The following COL14A1 variants were observed in gnomAD, a reference collection of about 807,000 sequenced individuals.
COL14A1 encodes collagen type XIV alpha 1 chain, also known as collagen alpha-1(XIV) chain.
Under a neutral mutation model 230.3 loss-of-function variants are expected in COL14A1, and 136 were observed. The ratio of observed to expected loss-of-function variants is 0.59; its 90% confidence interval spans 0.51 to 0.68. The LOEUF (loss-of-function observed/expected upper bound fraction) is 0.68. COL14A1 is among the 30% of genes least tolerant of loss of function. The probability of loss-of-function intolerance (pLI) is 0.00; values close to 1 mark genes in which losing one functional copy is unlikely to be tolerated. For synonymous variants in COL14A1, 792 were observed against 784.1 expected (o/e 1.01, Z -0.17); for missense variants, 1,976 against 2,215.8 (o/e 0.89, Z 2.17).
chr8:120,359,460 A>T (rs980814457), intron 45 of COL14A1, among the ~76,000 whole-genome samples: 1 of 152,186 alleles, frequency 6.6e-6, no homozygotes, highest in Non-Finnish European at 1.5e-5. Context: ...ATCATTTTCC[A>T]GTTCTGCAAG....
In COL14A1 at chr8:120,371,024, G is replaced by T. The variant is rs375528576; in HGVS notation, c.5312-128G>T. ...ATGGGGAAGGTACAAGGGGCGTGGT[G>T]GATTAAGACATCCACTGCTTTTTAC... is the stretch of plus-strand genomic sequence containing the variant. On this transcript the variant is annotated intron_variant, in intron 47 of 47. Transcript: ENST00000297848. 5.8e-6 allele frequency: 6 copies of T among 1,035,414 alleles called. No homozygotes were observed. In the East Asian group the frequency reaches 9.8e-5, roughly 17 times the overall value. 64.1% of individuals were successfully genotyped at this position (1,035,414 alleles called of 1,614,324 possible). A position where few individuals can be genotyped will look rare whatever the true frequency, so the allele number is the denominator to read the frequency against.
chr8:120,148,015 AAT>A (rs1372402363), intron 2 of COL14A1, 85 bp downstream of exon 2: 1 of 1,000,398 alleles, frequency 1.0e-6, no homozygotes, highest in African/African-American at 1.6e-5. Context: ...TTATCCTAAC[AAT>A]ATGTCGGCTT....
At chr8:120,202,566 C>T (rs1438723537) in intron 8 of COL14A1, among the ~76,000 whole-genome samples, 1 of 152,096 alleles carries the variant, frequency 6.6e-6, no homozygotes, top group African/African-American at 2.4e-5. Context: ...TAACCTCATG[C>T]CTCTCCTTTC....
chr8:120,259,137 A>G (rs900504575), intron 23 of COL14A1, among the ~76,000 whole-genome samples: 2 of 152,310 alleles, frequency 1.3e-5, no homozygotes, highest in South Asian at 2.1e-4. Context: ...AAAGCATCAT[A>G]TGGAACAAAA....
At chr8:120,162,331 C>G (rs1389050467) in intron 3 of COL14A1, 95 bp from the exon 4 acceptor site, 2 of 989,304 alleles carry the variant, frequency 2.0e-6, no homozygotes, top group Non-Finnish European at 2.9e-6. Flanking sequence ...AATGCCTTTA[C>G]TGTTTAACAC....
At chr8:120,338,660 A>T (rs898592814) in intron 42 of COL14A1, among the ~76,000 whole-genome samples, 1 of 152,234 alleles carries the variant, frequency 6.6e-6, no homozygotes, top group African/African-American at 2.4e-5. Flanking sequence ...CAGAGCTGTT[A>T]TAAGGTTTAG....
chr8:120,345,481 T>TGGAGCCCCTGGTGAACAA lies in COL14A1; in HGVS notation c.4999_5016dup (p.Ala1667_Gly1672dup). 1 of 1,604,620 alleles carries TGGAGCCCCTGGTGAACAA rather than the reference T, an allele frequency of 6.2e-7. No individual in the cohort carries two copies. On this transcript the variant is annotated inframe_insertion, in exon 45 of 48. Transcript: ENST00000297848. Reference sequence around the variant, plus strand: ...GGGAGCCTGGGAGGCCAGGCTCACCTGGAGCCCCTGGTGAACAAGGACCCC... The same window carrying TGGAGCCCCTGGTGAACAA: ...GGGAGCCTGGGAGGCCAGGCTCACCTGGAGCCCCTGGTGAACAAGGAGCCCCTGGTGAACAAGGACCCC...
chr8:120,297,097 G>A (rs1237252800), intron 34 of COL14A1, among the ~76,000 whole-genome samples: 1 of 151,872 alleles, frequency 6.6e-6, no homozygotes, highest in Admixed American at 6.6e-5. Flanking sequence ...TATTATGATA[G>A]GTGACCTAAA....
intron 45 of COL14A1, among the ~76,000 whole-genome samples, chr8:120,358,372 C>A (rs1236251114): frequency 6.6e-6 from 1 of 151,942 alleles, no homozygotes; most frequent in Admixed American, 6.6e-5. Context: ...TTCTTTTATT[C>A]CTCATAATAC....
At position 120,174,603 on chromosome 8, in the gene COL14A1, G is replaced by A. The variant is rs559711369; in HGVS notation, c.436+6356G>A. ...ATATGTTTGAACATATGTTTACGGA[G>A]GAGTTCTTTCTGAGCCCACTTTCAG... is the stretch of plus-strand genomic sequence containing the variant. On this transcript the variant is annotated intron_variant, in intron 5 of 47. Coordinates refer to ENST00000297848, the MANE Select transcript of COL14A1 (RefSeq NM_021110.4). 1.8e-4 allele frequency among the ~76,000 whole-genome samples: 27 copies of A among 152,250 alleles called. 1 individual carries two copies. In the South Asian group the frequency reaches 4.6e-3, roughly 26 times the overall value.
At chr8:120,232,866 A>G (rs1396744520) in intron 19 of COL14A1, among the ~76,000 whole-genome samples, 4 of 152,140 alleles carry the variant, frequency 2.6e-5, no homozygotes, top group Non-Finnish European at 4.4e-5. Flanking sequence ...GGTTGAGCTA[A>G]TTTACAGTCT....
intron 40 of COL14A1, among the ~76,000 whole-genome samples, chr8:120,330,318 C>A (rs1346941877): frequency 6.6e-6 from 1 of 152,098 alleles, no homozygotes; most frequent in Non-Finnish European, 1.5e-5. Flanking sequence ...CTCGTCCTAC[C>A]CCTGTGTATT....
In COL14A1 at chr8:120,255,150, A is replaced by G. The variant is rs185896570; in HGVS notation, c.2753-90A>G. ...CCCAGCTCTGACTATGCAGCTTTGA[A>G]TGAAAATTTTTCCAGAAGTTAATTT... On this transcript the variant is annotated intron_variant, in intron 22 of 47. Transcript: ENST00000297848. 6.3e-4 allele frequency: 602 copies of G among 955,920 alleles called. 3 individuals are homozygous for G. In the African/African-American group the frequency reaches 8.0e-3, roughly 13 times the overall value. The allele number at this position is 955,920 out of a possible 1,614,324, so 59.2% of individuals were successfully genotyped here.
Position 120,372,528 on chromosome 8 carries a change from A to C in COL14A1, c.*1297A>C, listed in dbSNP as rs1176928502. Among the ~76,000 whole-genome samples, 2 of 152,164 alleles carry C rather than the reference A, an allele frequency of 1.3e-5. No homozygotes were observed. Among genetic ancestry groups the C allele is most frequent in the Non-Finnish European group, 2.9e-5 (2 of 68,030 alleles). ...GAAATAGAAACAAAAGAGAACCATA[A>C]ATTTAATACGTGCTCCTTCTCTGTA... On this transcript the variant is annotated 3_prime_UTR_variant, in exon 48 of 48. Coordinates refer to ENST00000297848, the MANE Select transcript of COL14A1 (RefSeq NM_021110.4).
intron 11 of COL14A1, 110 bp from the exon 12 acceptor site, chr8:120,209,646 T>A (rs1817559286): frequency 9.2e-7 from 1 of 1,088,570 alleles, no homozygotes; most frequent in African/African-American, 1.6e-5. Context: ...TTATTCTTAA[T>A]CCCTTTCTCC....
intron 19 of COL14A1, among the ~76,000 whole-genome samples, chr8:120,242,858 T>C (rs899023550): frequency 1.3e-5 from 2 of 152,248 alleles, no homozygotes; most frequent in African/African-American, 4.8e-5. Flanking sequence ...CTCGAGGCTT[T>C]CTAGGGCTTA....
intron 5 of COL14A1, among the ~76,000 whole-genome samples, chr8:120,173,410 C>A (rs1056276935): frequency 2.6e-5 from 4 of 152,080 alleles, no homozygotes; most frequent in Non-Finnish European, 5.9e-5. Flanking sequence ...TAAAATGAAC[C>A]ATTTCTTCCA....
chr8:120,214,292 T>G (rs1817688876), intron 13 of COL14A1, among the ~76,000 whole-genome samples: 1 of 152,204 alleles, frequency 6.6e-6, no homozygotes, highest in African/African-American at 2.4e-5. Flanking sequence ...AATTTTGTGA[T>G]CAATATAGTG....
rs574951676 is a variant in COL14A1 at position 120,328,369 on chromosome 8, A to G, written c.4660-3772A>G. ...CAGAGTAGCTGGGACTACAGGCACAAGCCACCAGGCAGAGCAATTTTTTTT... is the reference window on the plus strand; with the variant it reads ...CAGAGTAGCTGGGACTACAGGCACAGGCCACCAGGCAGAGCAATTTTTTTT... On this transcript the variant is annotated intron_variant, in intron 40 of 47. Coordinates refer to ENST00000297848, the MANE Select transcript of COL14A1 (RefSeq NM_021110.4). Among the ~76,000 whole-genome samples the G allele has an allele frequency of 4.6e-5, 7 of 151,618 alleles. No individual in the cohort carries two copies. The South Asian group carries it at 1.5e-3, about 32-fold the overall frequency.
Sources: gnomAD v4.1 joint callset for allele counts (sites outside exome capture counted in the v4.1 genomes callset) on GRCh38, gnomAD v4.1.1 for gene constraint, MANE v1.5 for transcripts, NCBI Gene and HGNC (gene_info 2026-07-23, HGNC 2026-07-21) for gene names.